The following FGD6 variants were observed in gnomAD, a reference collection of about 807,000 sequenced individuals.
FGD6 encodes the protein FYVE, RhoGEF and PH domain-containing protein 6.
A neutral mutation model predicts 149.4 loss-of-function variants in FGD6; 90 were observed. The ratio of observed to expected loss-of-function variants is 0.60; its 90% CI spans 0.51 to 0.72. FGD6 has a LOEUF of 0.72. Ranked by LOEUF, FGD6 falls within the 30% of genes least tolerant of loss-of-function variation. The pLI, the probability that FGD6 is intolerant of heterozygous loss-of-function variation, is 0.00. For missense variants in FGD6, 1,437 were observed against 1,684.8 expected (o/e 0.85, Z 2.57); for synonymous variants, 527 against 584.0 (o/e 0.90, Z 1.41).
intron 19 of FGD6, 115 bp downstream of exon 19, chr12:95,085,665 C>T (rs1362939339): frequency 2.4e-6 from 3 of 1,249,040 alleles, no homozygotes; most frequent in Admixed American, 4.9e-5. Context: ...CCTCCCCCAT[C>T]CAAAAGCAAA....
intron 2 of FGD6, among the ~76,000 whole-genome samples, chr12:95,192,699 G>A (rs1317486764): frequency 6.6e-6 from 1 of 152,154 alleles, no homozygotes; most frequent in African/African-American, 2.4e-5. Context: ...GGAGAACAAT[G>A]GGGAAGATTG....
chr12:95,171,217 G>C (rs775259890), intron 3 of FGD6, among the ~76,000 whole-genome samples: 1 of 152,048 alleles, frequency 6.6e-6, no homozygotes, highest in Non-Finnish European at 1.5e-5. Context: ...ACTGCTGCAC[G>C]TGGGCCATTC....
intron 3 of FGD6, among the ~76,000 whole-genome samples, chr12:95,162,500 G>T (rs1880674805): frequency 6.6e-6 from 1 of 152,100 alleles, no homozygotes; most frequent in African/African-American, 2.4e-5. Flanking sequence ...GTACTCTCCA[G>T]CCTGGGTGAC....
chr12:95,106,562 G>C (rs538559181), intron 13 of FGD6, among the ~76,000 whole-genome samples: 1 of 151,988 alleles, frequency 6.6e-6, no homozygotes, highest in Non-Finnish European at 1.5e-5. Flanking sequence ...AGGATTATAG[G>C]CATGTGAGCC....
At chr12:95,168,012 A>G (rs1880873441) in intron 3 of FGD6, among the ~76,000 whole-genome samples, 1 of 152,056 alleles carries the variant, frequency 6.6e-6, no homozygotes, top group Non-Finnish European at 1.5e-5. Context: ...CACCATTTAT[A>G]TGTTGACAAC....
intron 1 of FGD6, among the ~76,000 whole-genome samples, chr12:95,213,658 C>T (rs1435700299): frequency 6.6e-6 from 1 of 152,178 alleles, no homozygotes; most frequent in Non-Finnish European, 1.5e-5. Context: ...TAAAAAATCC[C>T]TGGTACCAAT....
rs1330029473 is a variant in FGD6 at position 95,078,794 on chromosome 12, A to G, written c.*2726T>C. 6.6e-6 allele frequency: 1 copy of G among 152,230 alleles called. No homozygotes were observed. The highest frequency in any genetic ancestry group is 2.4e-5 in the African/African-American group (1 of 41,462). The allele number at this position is 152,230 out of a possible 1,614,324, so 9.4% of individuals were successfully genotyped here. A position where few individuals can be genotyped will look rare whatever the true frequency, so the allele number is the denominator to read the frequency against. ...GCTAGTTGGGGACACTAACAATGCC[A>G]GCCTTCCCCTGGTTCAGCCTGGCGT... On this transcript the variant is annotated 3_prime_UTR_variant, in exon 21 of 21. Coordinates refer to ENST00000343958, the MANE Select transcript of FGD6 (RefSeq NM_018351.4).
chr12:95,202,927 G>C (rs2056670659), intron 2 of FGD6, among the ~76,000 whole-genome samples: 1 of 152,162 alleles, frequency 6.6e-6, no homozygotes, highest in Non-Finnish European at 1.5e-5. Context: ...TTGAATATCA[G>C]TCCCAACCCC....
Position 95,135,507 on chromosome 12 carries a change from C to A in FGD6, c.2995-681G>T, listed in dbSNP as rs559427063. On this transcript the variant is annotated intron_variant, in intron 7 of 20. Transcript: ENST00000343958. ...AAAGACATTTGGTTATCCCTTGAAACCTCTCTTCCTTAGTATGTACAACAG... is the reference window on the plus strand; with the variant it reads ...AAAGACATTTGGTTATCCCTTGAAAACTCTCTTCCTTAGTATGTACAACAG... Among the ~76,000 whole-genome samples the A allele has an allele frequency of 2.6e-5, 4 of 152,306 alleles. No homozygotes were observed. In the East Asian group the frequency reaches 7.7e-4, roughly 29 times the overall value.
chr12:95,114,505 T>G (rs1878946927), intron 8 of FGD6, among the ~76,000 whole-genome samples: 1 of 145,586 alleles, frequency 6.9e-6, no homozygotes, highest in Non-Finnish European at 1.5e-5. Context: ...TCAGACGTGC[T>G]GCTAAATATC....
At chr12:95,098,542 C>T (rs1424576906) in intron 14 of FGD6, among the ~76,000 whole-genome samples, 2 of 152,142 alleles carry the variant, frequency 1.3e-5, no homozygotes, top group Non-Finnish European at 2.9e-5. Context: ...ACTGACCTTC[C>T]AATTCTCTGA....
intron 8 of FGD6, among the ~76,000 whole-genome samples, chr12:95,133,419 C>T (rs560458294): frequency 2.0e-5 from 3 of 152,266 alleles, no homozygotes; most frequent in South Asian, 4.1e-4. Flanking sequence ...GTAGGTCTTC[C>T]TCGTGAGCAG....
chr12:95,195,266 C>T (rs1035730717), intron 2 of FGD6, among the ~76,000 whole-genome samples: 3 of 152,154 alleles, frequency 2.0e-5, no homozygotes, highest in Non-Finnish European at 2.9e-5. Flanking sequence ...ACTATGTTTA[C>T]ATAAGAATCA....
Position 95,209,685 on chromosome 12 carries a change from C to A in FGD6, c.1599G>T (p.Glu533Asp), listed in dbSNP as rs1324345303. 2 of 1,613,372 alleles carry A rather than the reference C, an allele frequency of 1.2e-6. No homozygotes were observed. Among genetic ancestry groups the A allele is most frequent in the African/African-American group, 1.3e-5 (1 of 74,928 alleles). Residue 533 changes from glutamate to aspartate, a missense_variant, in exon 2 of 21, where the codon GAG becomes GAT. This residue lies in a region of FGD6 where 1,055 missense variants were observed against 1,146.0 expected (regional missense o/e 0.92). Transcript: ENST00000343958. Reference protein sequence around the residue: ...SYPSSEEKSSEKSLERNHLQH... With the variant: ...SYPSSEEKSSDKSLERNHLQH... ...GAAGGTGATTTCTTTCTAGACTCTT[C>A]TCTGAACTTTTTTCTTCACTTGAAG...
At chr12:95,121,736 A>G (rs887595265) in intron 8 of FGD6, among the ~76,000 whole-genome samples, 3 of 151,758 alleles carry the variant, frequency 2.0e-5, no homozygotes, top group African/African-American at 7.3e-5. Flanking sequence ...GCTCACTGCA[A>G]TCTCCGCCTC....
chr12:95,080,711 T>G lies in FGD6; in HGVS notation c.*809A>C, dbSNP rs553488789. On this transcript the variant is annotated 3_prime_UTR_variant, in exon 21 of 21. Coordinates refer to ENST00000343958, the MANE Select transcript of FGD6 (RefSeq NM_018351.4). ...AGGGAATATTATGTGACATAATGCTTGCTATATTTTGCTATTTTAAAAAAT... is the reference window on the plus strand; with the variant it reads ...AGGGAATATTATGTGACATAATGCTGGCTATATTTTGCTATTTTAAAAAAT... The G allele has an allele frequency of 1.6e-4, 25 of 152,310 alleles. No homozygotes were observed. The highest frequency in any genetic ancestry group is 4.6e-4 in the African/African-American group (19 of 41,574). 9.4% of individuals were successfully genotyped at this position (152,310 alleles called of 1,614,324 possible).
At chr12:95,109,507 G>A (rs1251294457) in intron 9 of FGD6, among the ~76,000 whole-genome samples, 1 of 152,064 alleles carries the variant, frequency 6.6e-6, no homozygotes, top group Non-Finnish European at 1.5e-5. Flanking sequence ...GTGTTAGAGA[G>A]GGAAGCATCT....
chr12:95,151,990 C>T (rs960605117), intron 5 of FGD6, among the ~76,000 whole-genome samples: 1 of 152,076 alleles, frequency 6.6e-6, no homozygotes, highest in East Asian at 1.9e-4. Flanking sequence ...GAATATGCAC[C>T]CTGACACATA....
intron 15 of FGD6, among the ~76,000 whole-genome samples, chr12:95,094,139 A>G (rs370565868): frequency 2.0e-5 from 3 of 152,000 alleles, no homozygotes; most frequent in Non-Finnish European, 2.9e-5. Flanking sequence ...AGCCTGGGCA[A>G]TAAGAGTGAA....
Sources: gnomAD v4.1 joint callset for allele counts (sites outside exome capture counted in the v4.1 genomes callset) on GRCh38, gnomAD v4.1.1 for gene constraint, gnomAD v4.1.1 regional missense constraint, MANE v1.5 for transcripts, NCBI Gene and HGNC (gene_info 2026-07-23, HGNC 2026-07-21) for gene names.